Variants in RBFOX1 observed in about 807,000 individuals in gnomAD.
RBFOX1 encodes RNA binding protein fox-1 homolog 1.
A neutral mutation model predicts 57.7 loss-of-function variants in RBFOX1; 8 were observed. The observed-to-expected ratio is 0.14, with a 90% CI of 0.08 to 0.25. The LOEUF is 0.25. Ranked by LOEUF, RBFOX1 falls within the 10% of genes least tolerant of loss-of-function variation. RBFOX1 has a pLI of 1.00. For missense variants in RBFOX1, 611 were observed against 548.5 expected (o/e 1.11, Z -1.14); for synonymous variants, 326 against 222.4 (o/e 1.47, Z -4.15).
Position 5,639,673 on chromosome 16 carries a change from C to A in RBFOX1, c.318+40712C>A, listed in dbSNP as rs112256792. Among the ~76,000 whole-genome samples the A allele has an allele frequency of 7.3e-4, 111 of 152,300 alleles. 2 individuals carry two copies. The highest frequency in any genetic ancestry group is 2.5e-3 in the African/African-American group (103 of 41,570). On this transcript the variant is annotated intron_variant, in intron 3 of 19. Transcript: ENST00000641259. ...CTGTCTCTCTCTTTCAGCCTTGCCTCACCCATGCACATGCCTACCAGGCTG... is the reference window on the plus strand; with the variant it reads ...CTGTCTCTCTCTTTCAGCCTTGCCTAACCCATGCACATGCCTACCAGGCTG...
chr16:6,419,739 T>C (rs752570825), intron 2 of RBFOX1, among the ~76,000 whole-genome samples: 4 of 152,140 alleles, frequency 2.6e-5, no homozygotes, highest in Non-Finnish European at 2.9e-5. Context: ...GTTCTATCTT[T>C]TACACGCAGC....
chr16:6,099,603 T>A (rs1326148116), intron 1 of RBFOX1, among the ~76,000 whole-genome samples: 1 of 152,168 alleles, frequency 6.6e-6, no homozygotes, highest in African/African-American at 2.4e-5. Context: ...TGGAACTTGA[T>A]AGAGGTAGTG....
At chr16:7,130,181 G>A (rs540488554) in intron 4 of RBFOX1, among the ~76,000 whole-genome samples, 3 of 151,742 alleles carry the variant, frequency 2.0e-5, no homozygotes, top group Non-Finnish European at 4.4e-5. Flanking sequence ...TAACAGGCAC[G>A]TGCCACCATG....
intron 2 of RBFOX1, among the ~76,000 whole-genome samples, chr16:6,579,091 T>A (rs1243533580): frequency 6.6e-6 from 1 of 152,202 alleles, no homozygotes; most frequent in East Asian, 1.9e-4. Context: ...AAAATGAGGC[T>A]ACTGAAATGA....
intron 2 of RBFOX1, among the ~76,000 whole-genome samples, chr16:6,336,906 T>C (rs2083839433): frequency 6.6e-6 from 1 of 152,196 alleles, no homozygotes; most frequent in Admixed American, 6.5e-5. Flanking sequence ...TTTATCATAT[T>C]CAAGAAATAT....
intron 4 of RBFOX1, among the ~76,000 whole-genome samples, chr16:7,361,838 A>G (rs150207300): frequency 6.6e-6 from 1 of 151,498 alleles, no homozygotes; most frequent in African/African-American, 2.4e-5. Context: ...ATGATTATGT[A>G]TATATGTTTT....
At chr16:7,350,911 A>G (rs1299240380) in intron 4 of RBFOX1, among the ~76,000 whole-genome samples, 1 of 152,174 alleles carries the variant, frequency 6.6e-6, no homozygotes, top group Non-Finnish European at 1.5e-5. Context: ...TGACCCAAGA[A>G]TGCATCCAAA....
intron 3 of RBFOX1, among the ~76,000 whole-genome samples, chr16:6,751,490 G>A (rs1009752385): frequency 1.3e-5 from 2 of 152,164 alleles, no homozygotes; most frequent in African/African-American, 2.4e-5. Flanking sequence ...TCCATGTACA[G>A]CAACTCTTTG....
intron 3 of RBFOX1, among the ~76,000 whole-genome samples, chr16:6,710,103 A>C (rs2063461937): frequency 6.6e-6 from 1 of 152,154 alleles, no homozygotes; most frequent in African/African-American, 2.4e-5. Context: ...GGAGGGAACC[A>C]CAGCAAAAAT....
At chr16:6,347,397 T>C (rs941495596) in intron 2 of RBFOX1, among the ~76,000 whole-genome samples, 2 of 152,240 alleles carry the variant, frequency 1.3e-5, no homozygotes, top group African/African-American at 2.4e-5. Context: ...TGTTCCTTTC[T>C]TCTCATTTGG....
rs758865804 is a variant in RBFOX1, at chr16:6,392,360, T to C, written c.-64+75303T>C. On this transcript the variant is annotated intron_variant, in intron 2 of 15. Transcript: ENST00000550418. Reference sequence around the variant, plus strand: ...AGGTAATTGTTTGTCTCCTGGACCATAGAGTACCTTAAATACGTTACATTA... The same window carrying C: ...AGGTAATTGTTTGTCTCCTGGACCACAGAGTACCTTAAATACGTTACATTA... Among the ~76,000 whole-genome samples the C allele has an allele frequency of 1.2e-3, 177 of 152,338 alleles. 1 individual carries two copies. Among genetic ancestry groups the C allele is most frequent in the African/African-American group, 4.0e-3 (168 of 41,598 alleles).
chr16:7,328,096 C>T (rs960674734), intron 4 of RBFOX1, among the ~76,000 whole-genome samples: 5 of 152,158 alleles, frequency 3.3e-5, no homozygotes, highest in Admixed American at 6.5e-5. Flanking sequence ...TGTCAAACTC[C>T]TGGGCTCAAG....
At chr16:6,566,093 C>G (rs1394753876) in intron 2 of RBFOX1, among the ~76,000 whole-genome samples, 1 of 152,102 alleles carries the variant, frequency 6.6e-6, no homozygotes, top group African/African-American at 2.4e-5. Context: ...AGGTGTTATC[C>G]CAAAGTAATG....
At chr16:6,530,888 G>A (rs73532174) in intron 2 of RBFOX1, among the ~76,000 whole-genome samples, 2,636 of 152,148 alleles carry the variant, frequency 0.017, 84 homozygotes, top group African/African-American at 0.06. Flanking sequence ...AATTCAAGAT[G>A]AGATTTGCAT....
chr16:7,612,542 A>G (rs74762327), intron 10 of RBFOX1, among the ~76,000 whole-genome samples: 4,493 of 151,740 alleles, frequency 0.03, 222 homozygotes, highest in African/African-American at 0.1. Context: ...AATGTGGAGG[A>G]ATAGGCCTCA....
chr16:6,428,445 A>G (rs1308103993), intron 2 of RBFOX1, among the ~76,000 whole-genome samples: 2 of 152,066 alleles, frequency 1.3e-5, no homozygotes, highest in South Asian at 2.1e-4. Context: ...TATGTAGTTT[A>G]TTTATATTGT....
intron 2 of RBFOX1, among the ~76,000 whole-genome samples, chr16:5,535,845 G>A (rs1259956119): frequency 3.3e-5 from 5 of 152,182 alleles, no homozygotes; most frequent in African/African-American, 1.2e-4. Context: ...ACATTTCTGA[G>A]ATACTATCTA....
intron 1 of RBFOX1, among the ~76,000 whole-genome samples, chr16:5,406,387 G>A (rs570723413): frequency 6.6e-6 from 1 of 152,222 alleles, no homozygotes; most frequent in South Asian, 2.1e-4. Context: ...GAGCTGGGAC[G>A]TCAATCTTCT....
At chr16:7,004,633 C>G (rs997953543) in intron 3 of RBFOX1, among the ~76,000 whole-genome samples, 1 of 152,184 alleles carries the variant, frequency 6.6e-6, no homozygotes, top group Non-Finnish European at 1.5e-5. Context: ...TTGAAAGCCT[C>G]AACATTGGTA....
Sources: gnomAD v4.1 joint callset for allele counts (sites outside exome capture counted in the v4.1 genomes callset) on GRCh38, gnomAD v4.1.1 for gene constraint, MANE v1.5 for transcripts, NCBI Gene and HGNC (gene_info 2026-07-23, HGNC 2026-07-21) for gene names.